The following TANGO2 variants were observed in gnomAD, a reference collection of about 807,000 sequenced individuals.
The protein encoded by TANGO2 is transport and golgi organization 2 homolog, also known as transport and Golgi organization protein 2 homolog.
Under a neutral mutation model 39.1 loss-of-function variants are expected in TANGO2, and 26 were observed. The ratio of observed to expected loss-of-function variants is 0.67; its 90% CI spans 0.49 to 0.92. The LOEUF (loss-of-function observed/expected upper bound fraction) is 0.92. Among genes scored for constraint, TANGO2 ranks in the 40% least tolerant of loss-of-function variants. The probability of loss-of-function intolerance (pLI) is 0.00; values close to 1 mark genes in which losing one functional copy is unlikely to be tolerated. For synonymous variants in TANGO2, 131 were observed against 144.5 expected (o/e 0.91, Z 0.67); for missense variants, 326 against 360.1 (o/e 0.91, Z 0.77).
chr22:20,045,929 G>A (rs918403799), intron 3 of TANGO2, among the ~76,000 whole-genome samples: 2 of 151,540 alleles, frequency 1.3e-5, no homozygotes, highest in Admixed American at 6.6e-5. Context: ...TACTTTTCTC[G>A]GTGCCCCTAG....
intron 1 of TANGO2, among the ~76,000 whole-genome samples, chr22:20,035,817 G>T (rs1030670136): frequency 3.3e-5 from 5 of 152,260 alleles, no homozygotes; most frequent in Admixed American, 2.6e-4. Flanking sequence ...TGCATGTGGG[G>T]GACAGTCTTG....
At chr22:20,055,915 T>G (rs1219429028) in intron 5 of TANGO2, 28 bp from the exon 6 acceptor site, 4 of 1,601,118 alleles carry the variant, frequency 2.5e-6, no homozygotes, top group Non-Finnish European at 3.4e-6. Context: ...ATGGCTGTAG[T>G]CTGACATTCT....
At position 20,062,818 on chromosome 22, in the gene TANGO2, G is replaced by A. The variant is rs563281849; in HGVS notation, c.606-520G>A. Reference sequence around the variant, plus strand: ...AGGGTAGATGGAGATTTTCCGCCTTGAGCAGAAACGTGGAGGAAACACGCC... The same window carrying A: ...AGGGTAGATGGAGATTTTCCGCCTTAAGCAGAAACGTGGAGGAAACACGCC... On this transcript the variant is annotated intron_variant, in intron 7 of 8. Coordinates refer to ENST00000327374, the MANE Select transcript of TANGO2 (RefSeq NM_152906.7). Among the ~76,000 whole-genome samples, 7 of 152,352 alleles carry A rather than the reference G, an allele frequency of 4.6e-5. No individual in the cohort carries two copies. The East Asian group carries it at 9.6e-4, about 21-fold the overall frequency.
chr22:20,027,831 C>T (rs535496244), intron 1 of TANGO2, among the ~76,000 whole-genome samples: 3 of 151,976 alleles, frequency 2.0e-5, no homozygotes, highest in Non-Finnish European at 4.4e-5. Context: ...CGGAGTCTCG[C>T]GCTGTCACCC....
At chr22:20,058,104 G>A (rs1021865389) in intron 6 of TANGO2, 4 of 151,930 alleles carry the variant, frequency 2.6e-5, no homozygotes, top group African/African-American at 7.3e-5. Flanking sequence ...GTATCATTCA[G>A]TAGGTTTCGT....
At chr22:20,060,157 G>T (rs1404236542) in intron 6 of TANGO2, among the ~76,000 whole-genome samples, 1 of 151,962 alleles carries the variant, frequency 6.6e-6, no homozygotes, top group East Asian at 1.9e-4. Flanking sequence ...AGACCATCCT[G>T]GCTAAACCGG....
At chr22:20,033,632 T>C (rs1386491871) in intron 1 of TANGO2, among the ~76,000 whole-genome samples, 3 of 152,242 alleles carry the variant, frequency 2.0e-5, no homozygotes, top group Non-Finnish European at 2.9e-5. Flanking sequence ...AGAGACCAGC[T>C]GGCAGGGCTT....
chr22:20,026,371 C>G (rs2040747964), intron 1 of TANGO2, among the ~76,000 whole-genome samples: 1 of 150,550 alleles, frequency 6.6e-6, no homozygotes, highest in Non-Finnish European at 1.5e-5. Context: ...GAACTCCAGC[C>G]TGGGCGACAT....
intron 1 of TANGO2, among the ~76,000 whole-genome samples, chr22:20,032,550 A>G (rs887205): frequency 0.43 from 64,772 of 152,180 alleles, 14,379 homozygotes; most frequent in African/African-American, 0.55. Context: ...CCAACCCTGC[A>G]TGGCTTTGAC....
upstream of TANGO2, among the ~76,000 whole-genome samples, chr22:20,017,808 G>GA (rs1410149068): frequency 1.3e-5 from 2 of 152,188 alleles, no homozygotes; most frequent in Non-Finnish European, 2.9e-5. Flanking sequence ...TGGTGTAGGG[G>GA]GGAACCAGCA....
intron 3 of TANGO2, among the ~76,000 whole-genome samples, chr22:20,045,029 G>A (rs1442652735): frequency 6.6e-6 from 1 of 152,180 alleles, no homozygotes; most frequent in Non-Finnish European, 1.5e-5. Context: ...TATCACTAAG[G>A]CCCACATCCT....
chr22:20,042,820 A>G (rs930589041), intron 2 of TANGO2, among the ~76,000 whole-genome samples: 2 of 152,228 alleles, frequency 1.3e-5, no homozygotes, highest in African/African-American at 2.4e-5. Flanking sequence ...ATGCAAAAAA[A>G]CTAGTAAAAC....
rs778412144 is a variant in TANGO2 at position 20,052,475 on chromosome 22, G to A, written c.156G>A (p.Met52Ile). The A allele has an allele frequency of 1.9e-6, 3 of 1,602,914 alleles. No homozygotes were observed. The highest frequency in any genetic ancestry group is 4.5e-5 in the East Asian group (2 of 44,458). ...TGTCATCTGCCACAGGGCTGGACAT[G>A]GAGGAAGGCAAGGAAGGAGGCACAT... ...NNNEILSGLD[M>I]EEGKEGGTWL... Residue 52 changes from methionine to isoleucine, a missense_variant, in exon 4 of 9, where the codon ATG (methionine) becomes ATA (isoleucine). Physicochemically the swap from Met to Ile is conservative, Grantham distance 10. Transcript: ENST00000327374.
rs1299732711 is a variant in TANGO2, at chr22:20,063,407, G to A, written c.675G>A (p.Ala225=). The A allele has an allele frequency of 5.6e-6, 9 of 1,613,278 alleles. No homozygotes were observed. The highest frequency in any genetic ancestry group is 7.6e-6 in the Non-Finnish European group (9 of 1,179,868). ...TGCAGCCCATGCTGAGCAAGTACGC[G>A]GCTGTGTGCGTGCGCTGCCCTGGCT... ...EYVQPMLSKY[A]AVCVRCPGYG... The change falls in exon 8 of 9, where the codon GCG becomes GCA. Residue 225 remains alanine (A), a synonymous_variant. Coordinates refer to ENST00000327374, the MANE Select transcript of TANGO2 (RefSeq NM_152906.7).
chr22:20,043,658 G>A (rs1356810472), intron 3 of TANGO2, among the ~76,000 whole-genome samples: 3 of 152,136 alleles, frequency 2.0e-5, no homozygotes, highest in Non-Finnish European at 4.4e-5. Context: ...TGTGCCATGC[G>A]TCTGCATGGG....
rs564025451 is a variant in TANGO2 at position 20,036,701 on chromosome 22, C to T, written c.-39-59C>T. The T allele has an allele frequency of 8.4e-5, 123 of 1,462,792 alleles. 1 individual carries two copies. The highest frequency in any genetic ancestry group is 1.1e-4 in the Non-Finnish European group (111 of 1,045,848). 90.6% of individuals were successfully genotyped at this position (1,462,792 alleles called of 1,614,324 possible). A position where few individuals can be genotyped will look rare whatever the true frequency, so the allele number is the denominator to read the frequency against. On this transcript the variant is annotated intron_variant, in intron 1 of 8. Coordinates refer to ENST00000327374, the MANE Select transcript of TANGO2 (RefSeq NM_152906.7). ...TCTCTGTTCTGGCCTGTTGCAGGTT[C>T]GGAGGGCAGCCCTGAGTGTCTGCCA...
chr22:20,032,188 C>T (rs542706128), intron 1 of TANGO2, among the ~76,000 whole-genome samples: 4 of 152,376 alleles, frequency 2.6e-5, no homozygotes, highest in Admixed American at 6.5e-5. Context: ...CTGCCCCACC[C>T]GCCCTGTAAC....
chr22:20,048,630 C>G (rs766943125), intron 3 of TANGO2, among the ~76,000 whole-genome samples: 4 of 151,744 alleles, frequency 2.6e-5, no homozygotes, highest in Non-Finnish European at 5.9e-5. Flanking sequence ...TTAATGATAG[C>G]TTATGGTGAG....
At chr22:20,053,279 A>AT (rs973459012) in intron 4 of TANGO2, 158 bp from the exon 5 acceptor site, 2 of 595,880 alleles carry the variant, frequency 3.4e-6, no homozygotes, top group African/African-American at 3.8e-5. Context: ...AGCCAGGCTA[A>AT]TGAGGTGTGG....
Sources: gnomAD v4.1 joint callset for allele counts (sites outside exome capture counted in the v4.1 genomes callset) on GRCh38, gnomAD v4.1.1 for gene constraint, MANE v1.5 for transcripts, NCBI Gene and HGNC (gene_info 2026-07-23, HGNC 2026-07-21) for gene names.